Variants in PTPRT observed in about 807,000 individuals in gnomAD.
The protein encoded by PTPRT is receptor-type tyrosine-protein phosphatase T.
A neutral mutation model predicts 176.8 loss-of-function variants in PTPRT; 56 were observed. The ratio of observed to expected loss-of-function variants is 0.32; its 90% CI spans 0.26 to 0.40. The LOEUF is 0.40. Among genes scored for constraint, PTPRT ranks in the 10% least tolerant of loss-of-function variants. The pLI, the probability that PTPRT is intolerant of heterozygous loss-of-function variation, is 1.00. For missense variants in PTPRT, 1,540 were observed against 1,908.2 expected (o/e 0.81, Z 3.60); for synonymous variants, 783 against 739.0 (o/e 1.06, Z -0.96).
chr20:42,925,100 C>T (rs1420260316), intron 1 of PTPRT, among the ~76,000 whole-genome samples: 2 of 152,206 alleles, frequency 1.3e-5, no homozygotes, highest in Non-Finnish European at 2.9e-5. Flanking sequence ...GAAGCATTCC[C>T]GGGTCTGTGA....
chr20:42,548,323 T>A (rs1163003360), intron 7 of PTPRT, among the ~76,000 whole-genome samples: 1 of 151,996 alleles, frequency 6.6e-6, no homozygotes, highest in Non-Finnish European at 1.5e-5. Flanking sequence ...GGCACAGTAA[T>A]AGTGGAATTG....
At chr20:43,069,983 C>G (rs991757893) in intron 1 of PTPRT, among the ~76,000 whole-genome samples, 7 of 152,294 alleles carry the variant, frequency 4.6e-5, no homozygotes, top group Admixed American at 4.6e-4. Context: ...ATAAATCCAC[C>G]AGCCCCCTAA....
intron 13 of PTPRT, among the ~76,000 whole-genome samples, chr20:42,267,879 T>C (rs1002851362): frequency 3.3e-5 from 5 of 152,214 alleles, no homozygotes; most frequent in African/African-American, 1.2e-4. Context: ...TTAGTTCTCA[T>C]GATTACCTAT....
At position 43,189,869 on chromosome 20, in the gene PTPRT, G is replaced by T. The variant is rs2015498243; in HGVS notation, c.-136C>A. 2 of 258,786 alleles carry T rather than the reference G, an allele frequency of 7.7e-6. No individual in the cohort carries two copies. Among genetic ancestry groups the T allele is most frequent in the South Asian group, 1.3e-4 (1 of 7,668 alleles). 16.0% of individuals were successfully genotyped at this position (258,786 alleles called of 1,614,324 possible). ...TGGCTCCGCTCGGGCTCCCGGAGCC[G>T]GCGCTCCTGCGTTCCAAGCCGAGGC... On this transcript the variant is annotated 5_prime_UTR_variant, in exon 1 of 31. Transcript: ENST00000373187. This position sits in a 1 kb window ranked among gnomAD's most constrained non-coding sequence, Gnocchi z 5.0.
chr20:43,156,566 G>A (rs993501176), intron 1 of PTPRT, among the ~76,000 whole-genome samples: 1 of 152,182 alleles, frequency 6.6e-6, no homozygotes, highest in African/African-American at 2.4e-5. Flanking sequence ...GTTGGCCCAT[G>A]GTTCCAAAAC....
At chr20:42,070,249 T>C (rs1034649366), downstream of PTPRT, among the ~76,000 whole-genome samples, 2 of 151,298 alleles carry the variant, frequency 1.3e-5, no homozygotes, top group Non-Finnish European at 2.9e-5. Flanking sequence ...TTCCCTGGAG[T>C]TCTGATGGAA....
At chr20:42,249,630 A>C (rs1416058852) in intron 13 of PTPRT, among the ~76,000 whole-genome samples, 1 of 152,206 alleles carries the variant, frequency 6.6e-6, no homozygotes, top group Non-Finnish European at 1.5e-5. Context: ...TAAAAGTCAC[A>C]TGGCTGATAA....
intron 12 of PTPRT, among the ~76,000 whole-genome samples, chr20:42,300,354 A>G (rs2057447431): frequency 1.3e-5 from 2 of 152,058 alleles, no homozygotes; most frequent in African/African-American, 4.8e-5. Context: ...GGTACTCACT[A>G]ACAATGATTC....
At chr20:43,138,131 T>C (rs2013892263) in intron 1 of PTPRT, among the ~76,000 whole-genome samples, 1 of 152,164 alleles carries the variant, frequency 6.6e-6, no homozygotes, top group Non-Finnish European at 1.5e-5. Context: ...ACAGAGTGAG[T>C]GCTGAGTGGG....
intron 7 of PTPRT, among the ~76,000 whole-genome samples, chr20:42,665,563 T>G (rs1163893913): frequency 6.6e-6 from 1 of 152,114 alleles, no homozygotes; most frequent in Non-Finnish European, 1.5e-5. Context: ...GAACTGGAAA[T>G]ACCATTTGAC....
At chr20:42,346,109 G>C (rs2058191354) in intron 11 of PTPRT, among the ~76,000 whole-genome samples, 1 of 152,178 alleles carries the variant, frequency 6.6e-6, no homozygotes. Flanking sequence ...GATGAGGCTG[G>C]AAAGTGCCAA....
chr20:42,459,335 G>C (rs961513109), intron 8 of PTPRT, among the ~76,000 whole-genome samples: 8 of 152,194 alleles, frequency 5.3e-5, no homozygotes, highest in Non-Finnish European at 1.2e-4. Flanking sequence ...TGAAACTTCG[G>C]GTTTTTAATG....
intron 7 of PTPRT, among the ~76,000 whole-genome samples, chr20:42,481,018 T>G (rs1010680924): frequency 1.3e-5 from 2 of 149,416 alleles, no homozygotes; most frequent in Non-Finnish European, 3.0e-5. Context: ...AAGGCAGAAG[T>G]AGGTGAGCTT....
intron 17 of PTPRT, among the ~76,000 whole-genome samples, chr20:42,146,405 G>A (rs921743461): frequency 5.3e-5 from 8 of 152,268 alleles, no homozygotes; most frequent in African/African-American, 7.2e-5. Flanking sequence ...AAATAATTGC[G>A]TTGAGTACTT....
intron 15 of PTPRT, among the ~76,000 whole-genome samples, chr20:42,205,521 A>G (rs2055433368): frequency 6.6e-6 from 1 of 152,146 alleles, no homozygotes; most frequent in South Asian, 2.1e-4. Context: ...CCACTTAGAA[A>G]AGAGGTGGTG....
chr20:42,800,026 T>C (rs1338381218), intron 2 of PTPRT, among the ~76,000 whole-genome samples: 1 of 152,204 alleles, frequency 6.6e-6, no homozygotes, highest in Non-Finnish European at 1.5e-5. Context: ...TGAGAATTTA[T>C]TTATCTTCTC....
At chr20:42,248,622 G>C in intron 14 of PTPRT, 65 bp downstream of exon 14, 1 of 1,574,860 alleles carries the variant, frequency 6.3e-7, no homozygotes, top group Non-Finnish European at 8.7e-7. Flanking sequence ...CAAAAACCTG[G>C]CCACACAGCA....
chr20:42,842,119 C>A, intron 2 of PTPRT, among the ~76,000 whole-genome samples: 1 of 152,222 alleles, frequency 6.6e-6, no homozygotes. Flanking sequence ...TTAGAAAGAT[C>A]TTTAGAATCA....
At chr20:42,057,416 G>A in the PTPRT span, among the ~76,000 whole-genome samples, 2 of 152,136 alleles carry the variant, frequency 1.3e-5, no homozygotes, top group African/African-American at 4.8e-5. Flanking sequence ...TGTGAGAAGG[G>A]AGACCACATC....
Sources: gnomAD v4.1 joint callset for allele counts (sites outside exome capture counted in the v4.1 genomes callset) on GRCh38, gnomAD v4.1.1 for gene constraint, Gnocchi (gnomAD v3.1) non-coding constraint, MANE v1.5 for transcripts, NCBI Gene and HGNC (gene_info 2026-07-23, HGNC 2026-07-21) for gene names.